Variants in NOTCH2NLC observed in about 807,000 individuals in gnomAD.
The protein encoded by NOTCH2NLC is notch 2 N-terminal like C.
A neutral mutation model predicts 17.7 loss-of-function variants in NOTCH2NLC; 4 were observed. The observed-to-expected ratio is 0.23, with a 90% CI of 0.11 to 0.52. The LOEUF is 0.52. Ranked by LOEUF, NOTCH2NLC falls within the 20% of genes least tolerant of loss-of-function variation. The pLI, the probability that NOTCH2NLC is intolerant of heterozygous loss-of-function variation, is 0.96. For synonymous variants in NOTCH2NLC, 18 were observed against 86.0 expected (o/e 0.21, Z 4.38); for missense variants, 57 against 207.2 (o/e 0.28, Z 4.45).
At chr1:149,412,800 G>A (rs1362446569) in intron 1 of NOTCH2NLC, among the ~76,000 whole-genome samples, 2 of 95,366 alleles carry the variant, frequency 2.1e-5, no homozygotes, top group Non-Finnish European at 4.0e-5. Flanking sequence ...GCAATAGAGA[G>A]AGACTGCATC....
chr1:149,417,319 A>G (rs1271575946), intron 1 of NOTCH2NLC, among the ~76,000 whole-genome samples: 3 of 150,622 alleles, frequency 2.0e-5, no homozygotes, highest in African/African-American at 7.3e-5. Flanking sequence ...CGTGTTAGCC[A>G]GGATGGTCTC....
rs1274330144 is a variant in NOTCH2NLC at position 149,393,009 on chromosome 1, G to C, written c.135+2087G>C. Among the ~76,000 whole-genome samples, 20 of 142,370 alleles carry C rather than the reference G, an allele frequency of 1.4e-4. 1 individual carries two copies. The East Asian group carries it at 1.4e-3, about 10-fold the overall frequency. 93.4% of individuals were successfully genotyped at this position (142,370 alleles called of 152,430 possible). On this transcript the variant is annotated intron_variant, in intron 1 of 4. Coordinates refer to ENST00000650865, the MANE Select transcript of NOTCH2NLC (RefSeq NM_001364013.2). ...GGCGTGAACCCGGGAGGCGGAGCTT[G>C]CAGTGAGCCGAGATCCCGCCACTGC...
At chr1:149,440,104 G>A (rs1192685195) in intron 2 of NOTCH2NLC, among the ~76,000 whole-genome samples, 184 of 150,318 alleles carry the variant, frequency 1.2e-3, no homozygotes, top group African/African-American at 4.1e-3. Context: ...AATCTGATTA[G>A]GATTTATGTA....
intron 3 of NOTCH2NLC, among the ~76,000 whole-genome samples, chr1:149,460,234 A>T (rs1276170349): frequency 2.0e-5 from 3 of 148,768 alleles, no homozygotes; most frequent in Non-Finnish European, 4.5e-5. Flanking sequence ...GGCTAGTGGA[A>T]ATGACAGTAA....
chr1:149,409,005 G>A, intron 1 of NOTCH2NLC: 1 of 981,444 alleles, frequency 1.0e-6, no homozygotes, highest in Non-Finnish European at 1.2e-6. Flanking sequence ...AGCACATCAA[G>A]GCTATACACC....
chr1:149,419,024 C>A (rs1261087711), intron 1 of NOTCH2NLC, among the ~76,000 whole-genome samples: 1 of 149,572 alleles, frequency 6.7e-6, no homozygotes, highest in African/African-American at 2.5e-5. Flanking sequence ...CTTTCCCTTT[C>A]CCTTCCTCTC....
intron 1 of NOTCH2NLC, among the ~76,000 whole-genome samples, chr1:149,426,852 G>GA (rs1387919627): frequency 9.3e-5 from 14 of 150,086 alleles, no homozygotes; most frequent in African/African-American, 3.2e-4. Flanking sequence ...TTTTACATTG[G>GA]AAAAAAGTAA....
rs1265457815 is a variant in NOTCH2NLC at position 149,467,984 on chromosome 1, CTGA to C, written c.*3836_*3838del. 2 of 147,672 alleles carry C rather than the reference CTGA, an allele frequency of 1.4e-5. No individual in the cohort carries two copies. The highest frequency in any genetic ancestry group is 3.0e-5 in the Non-Finnish European group (2 of 66,328). 9.1% of individuals were successfully genotyped at this position (147,672 alleles called of 1,614,324 possible). ...GTAAACTACCTCTGTACTCCACAGGCTGATGATATGTGATATCCCTATATCATT... is the reference window on the plus strand; with the variant it reads ...GTAAACTACCTCTGTACTCCACAGGCTGATATGTGATATCCCTATATCATT... On this transcript the variant is annotated 3_prime_UTR_variant, in exon 5 of 5. Coordinates refer to ENST00000650865, the MANE Select transcript of NOTCH2NLC (RefSeq NM_001364013.2).
chr1:149,419,091 C>G (rs1390846760), intron 1 of NOTCH2NLC, among the ~76,000 whole-genome samples: 1 of 144,170 alleles, frequency 6.9e-6, no homozygotes, highest in Non-Finnish European at 1.5e-5. Context: ...TTCTCTCTCT[C>G]TCTTTCTTTA....
intron 1 of NOTCH2NLC, among the ~76,000 whole-genome samples, chr1:149,418,874 A>G (rs1297948888): frequency 2.0e-5 from 3 of 149,734 alleles, no homozygotes; most frequent in African/African-American, 7.3e-5. Flanking sequence ...AGGAGTGGCA[A>G]CAAAGCAGAT....
At chr1:149,392,797 C>T in intron 1 of NOTCH2NLC, among the ~76,000 whole-genome samples, 1 of 151,118 alleles carries the variant, frequency 6.6e-6, no homozygotes, top group Non-Finnish European at 1.5e-5. Context: ...ATTGGCCGGG[C>T]GCGGTGGCTC....
chr1:149,413,289 C>A (rs1323827208), intron 1 of NOTCH2NLC, among the ~76,000 whole-genome samples: 1 of 150,980 alleles, frequency 6.6e-6, no homozygotes, highest in Admixed American at 6.6e-5. Context: ...CTGGAAATGC[C>A]TGGGAATTGA....
Position 149,471,663 on chromosome 1 carries a change from C to G in NOTCH2NLC, c.*7510C>G, listed in dbSNP as rs1222319061. ...GTGACTGCCCATAGGTACAGGCATG[C>G]TTTTTGGCATTATGAAAATATTCTG... On this transcript the variant is annotated 3_prime_UTR_variant, in exon 5 of 5. Coordinates refer to ENST00000650865, the MANE Select transcript of NOTCH2NLC (RefSeq NM_001364013.2). 2.5e-3 allele frequency among the ~76,000 whole-genome samples: 369 copies of G among 149,636 alleles called. 6 individuals carry two copies. Among genetic ancestry groups the G allele is most frequent in the East Asian group, 7.8e-3 (39 of 5,028 alleles).
intron 1 of NOTCH2NLC, among the ~76,000 whole-genome samples, chr1:149,421,404 C>A (rs2101480816): frequency 7.0e-6 from 1 of 143,014 alleles, no homozygotes; most frequent in Admixed American, 7.5e-5. Context: ...GAGGCTGAGG[C>A]AGGAGAATGG....
At chr1:149,392,614 G>C (rs2084175750) in intron 1 of NOTCH2NLC, among the ~76,000 whole-genome samples, 1 of 151,174 alleles carries the variant, frequency 6.6e-6, no homozygotes, top group Admixed American at 6.6e-5. Context: ...TATAATCAAT[G>C]AGACAGTCTG....
rs1355260363 is a variant in NOTCH2NLC at position 149,469,022 on chromosome 1, T to C, written c.*4869T>C. ...CTCTTTCTCCCAGGCTGGAGTGCAA[T>C]GGTGCTATCTCGGCTCACTGCAACC... On this transcript the variant is annotated 3_prime_UTR_variant, in exon 5 of 5. Coordinates refer to ENST00000650865, the MANE Select transcript of NOTCH2NLC (RefSeq NM_001364013.2). Among the ~76,000 whole-genome samples, 5 of 112,996 alleles carry C rather than the reference T, an allele frequency of 4.4e-5. No individual in the cohort carries two copies. The highest frequency in any genetic ancestry group is 1.3e-4 in the African/African-American group (4 of 30,422). 74.1% of individuals were successfully genotyped at this position (112,996 alleles called of 152,430 possible).
At chr1:149,441,134 G>T (rs1460378920) in intron 2 of NOTCH2NLC, among the ~76,000 whole-genome samples, 1 of 140,474 alleles carries the variant, frequency 7.1e-6, no homozygotes, top group Non-Finnish European at 1.6e-5. Flanking sequence ...GATAGGGGAA[G>T]TGATAGGAAA....
intron 1 of NOTCH2NLC, among the ~76,000 whole-genome samples, chr1:149,424,108 C>T (rs2084397521): frequency 6.6e-6 from 1 of 151,160 alleles, no homozygotes. Flanking sequence ...GATACCTTAG[C>T]CTTATCCTTA....
chr1:149,448,649 T>C (rs1250218235), intron 2 of NOTCH2NLC, among the ~76,000 whole-genome samples: 1 of 151,062 alleles, frequency 6.6e-6, no homozygotes, highest in Non-Finnish European at 1.5e-5. Context: ...AAGAACTTAC[T>C]CTGAAATAGT....
Sources: allele counts gnomAD v4.1 joint callset (sites outside exome capture counted in the v4.1 genomes callset), GRCh38; gene constraint gnomAD v4.1.1; transcripts MANE v1.5; gene names NCBI Gene and HGNC (gene_info 2026-07-23, HGNC 2026-07-21).